DPYD: variants seen among roughly 807,000 people sequenced by gnomAD.
DPYD encodes dihydropyrimidine dehydrogenase [NADP(+)].
In DPYD, 109 loss-of-function variants were observed where a neutral mutation model predicts 116.2. The observed-to-expected ratio is 0.94, with a 90% CI of 0.80 to 1.10. The LOEUF (loss-of-function observed/expected upper bound fraction) is 1.10. Among genes scored for constraint, DPYD ranks in the 50% least tolerant of loss-of-function variants. DPYD has a pLI of 0.00. For synonymous variants in DPYD, 440 were observed against 432.0 expected (o/e 1.02, Z -0.23); for missense variants, 1,302 against 1,254.5 (o/e 1.04, Z -0.57).
intron 16 of DPYD, among the ~76,000 whole-genome samples, chr1:97,343,606 A>G (rs1669693444): frequency 6.6e-6 from 1 of 152,102 alleles, no homozygotes; most frequent in African/African-American, 2.4e-5. Flanking sequence ...GGTATGTAGC[A>G]TGATTAAACA....
chr1:97,149,603 T>C (rs1451063060), intron 20 of DPYD, among the ~76,000 whole-genome samples: 1 of 152,168 alleles, frequency 6.6e-6, no homozygotes, highest in Non-Finnish European at 1.5e-5. Flanking sequence ...TAACATCATC[T>C]TGCAACTCGA....
At chr1:97,915,376 G>A (rs1558051443) in intron 1 of DPYD, among the ~76,000 whole-genome samples, 1 of 152,002 alleles carries the variant, frequency 6.6e-6, no homozygotes, top group African/African-American at 2.4e-5. Flanking sequence ...TGGTGAACTG[G>A]CTAAAAGTTA....
At chr1:97,813,917 C>CACACACAG (rs1668447101) in intron 3 of DPYD, among the ~76,000 whole-genome samples, 1 of 6,486 alleles carries the variant, frequency 1.5e-4, no homozygotes, top group African/African-American at 1.0e-3. Flanking sequence ...AACACACAGA[C>CACACACAG]ACACACACAC....
intron 2 of DPYD, among the ~76,000 whole-genome samples, chr1:97,864,494 A>G (rs1200216695): frequency 6.6e-6 from 1 of 151,840 alleles, no homozygotes; most frequent in Non-Finnish European, 1.5e-5. Flanking sequence ...ATCTGAAAGA[A>G]GTCTAGTAGG....
chr1:97,157,337 A>C (rs546419600), intron 20 of DPYD, among the ~76,000 whole-genome samples: 1 of 152,298 alleles, frequency 6.6e-6, no homozygotes, highest in South Asian at 2.1e-4. Flanking sequence ...GCACACACTC[A>C]TACACACATC....
At chr1:97,877,213 G>T (rs1388502835) in intron 2 of DPYD, among the ~76,000 whole-genome samples, 1 of 151,906 alleles carries the variant, frequency 6.6e-6, no homozygotes, top group Admixed American at 6.6e-5. Context: ...GATAGAAAGG[G>T]TTCTAATGAA....
chr1:97,126,113 TAA>T (rs1156657765), intron 20 of DPYD, among the ~76,000 whole-genome samples: 1 of 152,086 alleles, frequency 6.6e-6, no homozygotes. Flanking sequence ...TCCCAATTTT[TAA>T]AAACAAGTGA....
intron 18 of DPYD, among the ~76,000 whole-genome samples, chr1:97,265,025 C>T (rs190442683): frequency 6.6e-6 from 1 of 152,238 alleles, no homozygotes; most frequent in Admixed American, 6.5e-5. Flanking sequence ...ATAGTAATAG[C>T]AAGACTGTCC....
At chr1:97,354,882 G>C (rs1432709128) in intron 16 of DPYD, among the ~76,000 whole-genome samples, 1 of 152,094 alleles carries the variant, frequency 6.6e-6, no homozygotes, top group Non-Finnish European at 1.5e-5. Flanking sequence ...ATTAATCCCT[G>C]GAGAATCAAT....
chr1:97,475,446 C>A (rs556517383), intron 13 of DPYD, among the ~76,000 whole-genome samples: 23 of 151,922 alleles, frequency 1.5e-4, no homozygotes, highest in Non-Finnish European at 2.8e-4. Flanking sequence ...AGTAAAGGAA[C>A]AAATTAATGA....
intron 16 of DPYD, among the ~76,000 whole-genome samples, chr1:97,314,637 T>C (rs1667710016): frequency 6.6e-6 from 1 of 151,908 alleles, no homozygotes; most frequent in Non-Finnish European, 1.5e-5. Flanking sequence ...CTCACTTCTT[T>C]ACTCTCAAAT....
chr1:97,212,712 C>T (rs1660116709), intron 19 of DPYD, among the ~76,000 whole-genome samples: 1 of 151,790 alleles, frequency 6.6e-6, no homozygotes, highest in South Asian at 2.1e-4. Context: ...CCAGTTTCTC[C>T]ACATCCTCAC....
At chr1:97,499,200 T>G (rs1679440190) in intron 13 of DPYD, among the ~76,000 whole-genome samples, 3 of 151,696 alleles carry the variant, frequency 2.0e-5, no homozygotes, top group South Asian at 4.1e-4. Context: ...ATAAAACAAA[T>G]TTCTGTTTGT....
intron 2 of DPYD, among the ~76,000 whole-genome samples, chr1:97,836,358 G>A (rs542399929): frequency 2.6e-5 from 4 of 152,136 alleles, no homozygotes; most frequent in East Asian, 1.9e-4. Context: ...CAGAAAACAC[G>A]TTATTCTTAG....
intron 19 of DPYD, among the ~76,000 whole-genome samples, chr1:97,231,219 C>T (rs187362017): frequency 1.5e-4 from 23 of 152,218 alleles, no homozygotes; most frequent in African/African-American, 5.1e-4. Flanking sequence ...GGAAGACTTG[C>T]GTATTACTAA....
intron 14 of DPYD, among the ~76,000 whole-genome samples, chr1:97,387,926 G>T (rs1672447323): frequency 6.6e-6 from 1 of 152,088 alleles, no homozygotes; most frequent in African/African-American, 2.4e-5. Flanking sequence ...CCGCAGAAAG[G>T]TTTAAAGGAG....
chr1:97,329,238 C>T (rs1319355068), intron 16 of DPYD, among the ~76,000 whole-genome samples: 1 of 152,122 alleles, frequency 6.6e-6, no homozygotes, highest in Non-Finnish European at 1.5e-5. Context: ...TGCATAAATT[C>T]ATTTTTGTGG....
chr1:97,662,026 G>C (rs1271122371), intron 8 of DPYD, among the ~76,000 whole-genome samples: 2 of 118,014 alleles, frequency 1.7e-5, no homozygotes, highest in African/African-American at 6.7e-5. Flanking sequence ...ACGGAGTCTC[G>C]CTCCGTCGCC....
chr1:97,206,360 C>A (rs904449268), intron 19 of DPYD, among the ~76,000 whole-genome samples: 6 of 151,814 alleles, frequency 4.0e-5, no homozygotes, highest in East Asian at 1.9e-4. Context: ...ATGTTTTAAA[C>A]CCTGTTCAAA....
Sources: allele counts gnomAD v4.1 joint callset (sites outside exome capture counted in the v4.1 genomes callset), GRCh38; gene constraint gnomAD v4.1.1; transcripts MANE v1.5; gene names NCBI Gene and HGNC (gene_info 2026-07-23, HGNC 2026-07-21).